Variants in TM9SF2 observed in about 807,000 individuals in gnomAD.
TM9SF2 encodes the protein transmembrane 9 superfamily member 2.
Under a neutral mutation model 84.9 loss-of-function variants are expected in TM9SF2, and 13 were observed. The ratio of observed to expected loss-of-function variants is 0.15; its 90% CI spans 0.10 to 0.24. The LOEUF is 0.24. Among genes scored for constraint, TM9SF2 ranks in the 10% least tolerant of loss-of-function variants. TM9SF2 has a pLI of 1.00. For synonymous variants in TM9SF2, 273 were observed against 285.8 expected, an observed-to-expected ratio of 0.96 and a Z score of 0.45; for missense variants, 562 against 818.5, an observed-to-expected ratio of 0.69 and a Z score of 3.82.
Position 99,559,645 on chromosome 13 carries a change from A to G in TM9SF2, c.1924+111A>G. On this transcript the variant is annotated intron_variant, in intron 16 of 16. Transcript: ENST00000376387. ...GAAGGCTTATTCTGTTAGTGCTCCCATATTTAGTCCTCAGCACAACTAGGC... is the reference window on the plus strand; with the variant it reads ...GAAGGCTTATTCTGTTAGTGCTCCCGTATTTAGTCCTCAGCACAACTAGGC... 6 of 1,023,644 alleles carry G rather than the reference A, an allele frequency of 5.9e-6. No individual in the cohort carries two copies. The South Asian group carries it at 8.8e-5, about 15-fold the overall frequency. The allele number at this position is 1,023,644 out of a possible 1,614,324, so 63.4% of individuals were successfully genotyped here.
chr13:99,549,097 T>C, intron 11 of TM9SF2, 68 bp from the exon 12 acceptor site: 1 of 1,393,082 alleles, frequency 7.2e-7, no homozygotes, highest in Non-Finnish European at 1.0e-6. Context: ...ATATCAGACT[T>C]GTAATATGGA....
chr13:99,519,914 T>C (rs1220917362), intron 2 of TM9SF2, 122 bp from the exon 3 acceptor site: 1 of 726,736 alleles, frequency 1.4e-6, no homozygotes, highest in African/African-American at 1.8e-5. Flanking sequence ...ATGGATAGAT[T>C]TCTTACTCAT....
At chr13:99,538,289 A>G (rs755768674) in intron 6 of TM9SF2, among the ~76,000 whole-genome samples, 2 of 152,204 alleles carry the variant, frequency 1.3e-5, no homozygotes, top group African/African-American at 4.8e-5. Flanking sequence ...GCCACTATGA[A>G]ATACGAGCCA....
intron 1 of TM9SF2, among the ~76,000 whole-genome samples, chr13:99,504,256 AT>A (rs1197663443): frequency 6.6e-6 from 1 of 152,240 alleles, no homozygotes; most frequent in African/African-American, 2.4e-5. Context: ...TCTTTTAAAA[AT>A]TAGAAATGAG....
chr13:99,535,168 T>G (rs189826200), intron 4 of TM9SF2, among the ~76,000 whole-genome samples: 1 of 152,256 alleles, frequency 6.6e-6, no homozygotes. Flanking sequence ...AAAAAAGATA[T>G]CCTTTAAGTT....
intron 1 of TM9SF2, among the ~76,000 whole-genome samples, chr13:99,502,478 C>G (rs1176510432): frequency 1.3e-5 from 2 of 152,174 alleles, no homozygotes; most frequent in Non-Finnish European, 2.9e-5. Context: ...CGAGGTCTCA[C>G]TATTTTCTCT....
Position 99,562,852 on chromosome 13 carries a change from A to G in TM9SF2, c.*94A>G, listed in dbSNP as rs982002802. 1 of 1,213,946 alleles carries G rather than the reference A, an allele frequency of 8.2e-7. No individual in the cohort carries two copies. Among genetic ancestry groups the G allele is most frequent in the Non-Finnish European group, 1.2e-6 (1 of 839,688 alleles). The allele number at this position is 1,213,946 out of a possible 1,614,324, so 75.2% of individuals were successfully genotyped here. A position where few individuals can be genotyped will look rare whatever the true frequency, so the allele number is the denominator to read the frequency against. On this transcript the variant is annotated 3_prime_UTR_variant, in exon 17 of 17. Transcript: ENST00000376387. ...GACTGCCTTGAGTTTTATCAGAATT[A>G]TTGGCCTAGTAATCCTTCAGAAACA...
chr13:99,549,130 ATC>A, intron 11 of TM9SF2, 33 bp from the exon 12 acceptor site: 1 of 1,587,660 alleles, frequency 6.3e-7, no homozygotes, highest in Middle Eastern at 1.7e-4. Context: ...TTTAAAGAAA[ATC>A]TGTATTTATA....
intron 1 of TM9SF2, among the ~76,000 whole-genome samples, chr13:99,515,738 T>G (rs1417976533): frequency 2.0e-5 from 3 of 151,418 alleles, no homozygotes; most frequent in African/African-American, 7.3e-5. Context: ...ATACTGGTTT[T>G]TTTTTTTTTT....
intron 14 of TM9SF2, 78 bp from the exon 15 acceptor site, chr13:99,555,455 CAAG>C: frequency 9.2e-7 from 1 of 1,089,338 alleles, no homozygotes; most frequent in Non-Finnish European, 1.4e-6. Flanking sequence ...CTTTTCAGTT[CAAG>C]AAGAATGAAA....
intron 16 of TM9SF2, among the ~76,000 whole-genome samples, chr13:99,562,074 G>A (rs931163615): frequency 1.3e-5 from 2 of 152,180 alleles, no homozygotes; most frequent in Admixed American, 6.5e-5. Context: ...TATGATAAAT[G>A]GGCTTGGAGA....
At chr13:99,529,349 C>A in intron 3 of TM9SF2, 118 bp from the exon 4 acceptor site, 3 of 816,960 alleles carry the variant, frequency 3.7e-6, no homozygotes, top group Non-Finnish European at 3.4e-6. Flanking sequence ...TTATTTATTA[C>A]CAATATTAAT....
At chr13:99,546,356 A>G (rs976257298) in intron 10 of TM9SF2, among the ~76,000 whole-genome samples, 1 of 152,176 alleles carries the variant, frequency 6.6e-6, no homozygotes, top group Non-Finnish European at 1.5e-5. Context: ...ATAATATAGC[A>G]TTTTAATTCT....
intron 15 of TM9SF2, among the ~76,000 whole-genome samples, chr13:99,557,351 G>C (rs1412709807): frequency 6.6e-6 from 1 of 152,168 alleles, no homozygotes; most frequent in African/African-American, 2.4e-5. Context: ...AGCTATTCAA[G>C]TCCTTTGCCT....
intron 10 of TM9SF2, among the ~76,000 whole-genome samples, chr13:99,546,568 T>G (rs1190690052): frequency 7.2e-6 from 1 of 139,682 alleles, no homozygotes; most frequent in African/African-American, 2.8e-5. Flanking sequence ...AGGTTTTGGG[T>G]TTTTTTTTTT....
At chr13:99,541,156 A>G (rs531240254) in intron 8 of TM9SF2, among the ~76,000 whole-genome samples, 5 of 152,362 alleles carry the variant, frequency 3.3e-5, no homozygotes, top group African/African-American at 1.2e-4. Flanking sequence ...AGAGTTGTTC[A>G]TGTTGCCATA....
chr13:99,527,120 G>A (rs1288031404), intron 3 of TM9SF2, among the ~76,000 whole-genome samples: 1 of 152,138 alleles, frequency 6.6e-6, no homozygotes, highest in Non-Finnish European at 1.5e-5. Context: ...AAGCAGTTGA[G>A]GGGGGATACA....
At chr13:99,533,912 A>C (rs1594053959) in intron 4 of TM9SF2, among the ~76,000 whole-genome samples, 3 of 151,926 alleles carry the variant, frequency 2.0e-5, no homozygotes, top group Non-Finnish European at 4.4e-5. Flanking sequence ...CTCTTGATCT[A>C]CCCACCTTGG....
chr13:99,560,222 C>T (rs922628416), intron 16 of TM9SF2, among the ~76,000 whole-genome samples: 2 of 152,242 alleles, frequency 1.3e-5, no homozygotes, highest in South Asian at 2.1e-4. Flanking sequence ...TAGCTCCTCA[C>T]GCATGTCATG....
Sources: gnomAD v4.1 joint callset for allele counts (sites outside exome capture counted in the v4.1 genomes callset) on GRCh38, gnomAD v4.1.1 for gene constraint, MANE v1.5 for transcripts, NCBI Gene and HGNC (gene_info 2026-07-23, HGNC 2026-07-21) for gene names.